Variants in ACTN3 observed in about 807,000 individuals in gnomAD.
The protein encoded by ACTN3 is alpha-actinin-3.
A neutral mutation model predicts 119.6 loss-of-function variants in ACTN3; 91 were observed. The observed-to-expected ratio is 0.76, with a 90% confidence interval of 0.64 to 0.91. ACTN3 has a LOEUF of 0.91. Ranked by LOEUF, ACTN3 falls within the 40% of genes least tolerant of loss-of-function variation. ACTN3 has a pLI of 0.00. For missense variants in ACTN3, 1,221 were observed against 1,215.1 expected, an observed-to-expected ratio of 1.00 and a Z score of -0.07; for synonymous variants, 456 against 478.8, an observed-to-expected ratio of 0.95 and a Z score of 0.62.
intron 3 of ACTN3, among the ~76,000 whole-genome samples, 192 bp from the exon 4 acceptor site, chr11:66,553,853 C>CAAAAAAAAAAAAA (rs11448724): frequency 1.2e-5 from 1 of 81,774 alleles, no homozygotes; most frequent in Non-Finnish European, 2.4e-5. Context: ...GACTCCATCT[C>CAAAAAAAAAAAAA]AAAAAAAAAA....
chr11:66,550,351 C>T (rs181043346), intron 1 of ACTN3, among the ~76,000 whole-genome samples: 20 of 152,296 alleles, frequency 1.3e-4, no homozygotes, highest in South Asian at 4.1e-4. Context: ...TACCAAGTGT[C>T]GTGTCACCCC....
chr11:66,561,710 C>CA, intron 17 of ACTN3, 73 bp downstream of exon 17: 2 of 1,505,358 alleles, frequency 1.3e-6, no homozygotes, highest in Non-Finnish European at 1.8e-6. Context: ...CACAGCTGGA[C>CA]AGAGCATGTG....
At chr11:66,562,648 A>G in intron 19 of ACTN3, 148 bp from the exon 20 acceptor site, 1 of 941,930 alleles carries the variant, frequency 1.1e-6, no homozygotes, top group Non-Finnish European at 1.6e-6. Context: ...AGGACTTCCT[A>G]CAGCCAGGGC....
intron 4 of ACTN3, 56 bp from the exon 5 acceptor site, chr11:66,554,480 G>A: frequency 2.5e-6 from 3 of 1,217,032 alleles, no homozygotes; most frequent in South Asian, 2.9e-5. Context: ...AAAGAAGTGT[G>A]AGAGGGCTGA....
chr11:66,548,300 G>A (rs538952949), intron 1 of ACTN3, among the ~76,000 whole-genome samples: 2 of 152,142 alleles, frequency 1.3e-5, no homozygotes, highest in African/African-American at 2.4e-5. Flanking sequence ...GCAATTTCCC[G>A]GTGGTGTCAT....
At position 66,556,099 on chromosome 11, in the gene ACTN3, G is replaced by C. The variant is rs778724712; in HGVS notation, c.719-46G>C. 4 of 1,548,956 alleles carry C rather than the reference G, an allele frequency of 2.6e-6. No homozygotes were observed. The Admixed American group carries it at 7.3e-5, about 28-fold the overall frequency. On this transcript the variant is annotated intron_variant, in intron 7 of 20. Transcript: ENST00000513398. ...CCAGAGAGAGTTCTCTGCCTGGGGA[G>C]GGACCCCTGGCTTTGGCCAGTAGAC...
chr11:66,550,909 G>A, intron 1 of ACTN3: 1 of 407,674 alleles, frequency 2.5e-6, no homozygotes, highest in Non-Finnish European at 4.7e-6. Flanking sequence ...CAAAACCTCA[G>A]AGGGCCCCAC....
At chr11:66,555,097 C>A (rs769873868) in intron 5 of ACTN3, 33 bp from the exon 6 acceptor site, 10 of 1,609,922 alleles carry the variant, frequency 6.2e-6, no homozygotes, top group Non-Finnish European at 7.6e-6. Flanking sequence ...CCAGCTTGAA[C>A]CCAGGCCTGA....
rs545999249 is a variant in ACTN3 at position 66,560,727 on chromosome 11, C to T, written c.1832C>T (p.Pro611Leu). 57 of 1,613,246 alleles carry T rather than the reference C, an allele frequency of 3.5e-5. No individual in the cohort carries two copies. Among genetic ancestry groups the T allele is most frequent in the African/African-American group, 6.7e-5 (5 of 75,036 alleles). ...ACCAATCCCTACATCACCCTCAGCCCGCAGGACATCAACACCAAGTGGGAT... is the reference window on the plus strand; with the variant it reads ...ACCAATCCCTACATCACCCTCAGCCTGCAGGACATCAACACCAAGTGGGAT... ...CSTNPYITLSPQDINTKWDMV... is the reference protein window; with the variant it reads ...CSTNPYITLSLQDINTKWDMV... Residue 611 changes from proline to leucine, a missense_variant, in exon 15 of 21, where the codon CCG becomes CTG. Physicochemically the swap from Pro to Leu is moderately conservative, Grantham distance 98 (BLOSUM62 -3). Around this residue, in one of 3 missense-constraint regions of ACTN3, gnomAD observed 934 missense variants for 899.9 expected, o/e 1.04. Coordinates refer to ENST00000513398, the MANE Select transcript of ACTN3 (RefSeq NM_001104.4).
chr11:66,557,062 G>A (rs1025811204), intron 8 of ACTN3, 71 bp from the exon 9 acceptor site: 26 of 1,422,446 alleles, frequency 1.8e-5, no homozygotes, highest in Non-Finnish European at 2.5e-5. Flanking sequence ...CGCTCGGCGG[G>A]GCTCTGGGTT....
chr11:66,553,906 T>C, intron 3 of ACTN3, 139 bp from the exon 4 acceptor site: 1 of 511,506 alleles, frequency 2.0e-6, no homozygotes, highest in Non-Finnish European at 3.5e-6. Flanking sequence ...GAGCACCTGC[T>C]AGGTGCTCAC....
In ACTN3 at chr11:66,562,024, C is replaced by T. The variant is rs759871739; in HGVS notation, c.2178C>T (p.His726=). ...DNKHTVYSME[H]IRVGWEQLLT... is the part of the protein sequence containing the mutation. ...GTGGCCTGTCCCCTGACCGCCAGCA[C>T]ATCCGCGTGGGCTGGGAGCAGCTGC... The change falls in exon 18 of 21, where the codon CAC becomes CAT. Residue 726 remains histidine (H), a splice_region_variant and synonymous_variant. Transcript: ENST00000513398. 2.5e-6 allele frequency: 4 copies of T among 1,607,410 alleles called. No individual in the cohort carries two copies. In the East Asian group the frequency reaches 9.0e-5, roughly 36 times the overall value.
Position 66,546,912 on chromosome 11 carries a change from G to A in ACTN3, c.-26G>A, listed in dbSNP as rs370058043. The A allele has an allele frequency of 6.5e-7, 1 of 1,530,742 alleles. No homozygotes were observed. Among genetic ancestry groups the A allele is most frequent in the East Asian group, 2.3e-5 (1 of 43,608 alleles). The allele number at this position is 1,530,742 out of a possible 1,614,324, so 94.8% of individuals were successfully genotyped here. A position where few individuals can be genotyped will look rare whatever the true frequency, so the allele number is the denominator to read the frequency against. On this transcript the variant is annotated 5_prime_UTR_variant, in exon 1 of 21. Coordinates refer to ENST00000513398, the MANE Select transcript of ACTN3 (RefSeq NM_001104.4). ...CCGGGTGTCCGAGAGCGTGCCGAGC[G>A]GAGCGAAGCCAGGAGCCCGATCGAG...
At position 66,547,001 on chromosome 11, in the gene ACTN3, G is replaced by C; in HGVS notation, c.64G>C (p.Gly22Arg). 1 of 1,522,316 alleles carries C rather than the reference G, an allele frequency of 6.6e-7. No homozygotes were observed. Among genetic ancestry groups the C allele is most frequent in the South Asian group, 1.3e-5 (1 of 75,124 alleles). The allele number at this position is 1,522,316 out of a possible 1,614,324, so 94.3% of individuals were successfully genotyped here. ...AGEGRFAGGG[G>R]GGEYMEQEED... is the part of the protein sequence containing the mutation. Reference sequence around the variant, plus strand: ...GGAGGGGCGCTTTGCGGGCGGCGGCGGGGGCGGCGAGTACATGGAACAGGA... The same window carrying C: ...GGAGGGGCGCTTTGCGGGCGGCGGCCGGGGCGGCGAGTACATGGAACAGGA... Residue 22 changes from glycine (G) to arginine (R), a missense_variant, in exon 1 of 21, where the codon GGG becomes CGG. By Grantham distance (125) the Gly-to-Arg change is moderately radical. Transcript: ENST00000513398.
chr11:66,558,737 G>A (rs1179215972), intron 11 of ACTN3: 2 of 162,296 alleles, frequency 1.2e-5, no homozygotes, highest in Non-Finnish European at 2.7e-5. Context: ...GATCTGCTCT[G>A]ATTAATTCAA....
intron 11 of ACTN3, 96 bp downstream of exon 11, chr11:66,558,270 A>G: frequency 6.6e-7 from 1 of 1,524,514 alleles, no homozygotes; most frequent in Admixed American, 1.9e-5. Flanking sequence ...TGCACAGGAC[A>G]AGGGTAGGTG....
At chr11:66,557,057 G>T (rs1183549294) in intron 8 of ACTN3, 76 bp from the exon 9 acceptor site, 5 of 1,368,750 alleles carry the variant, frequency 3.7e-6, no homozygotes, top group Non-Finnish European at 4.0e-6. Flanking sequence ...CACCGCGCTC[G>T]GCGGGGCTCT....
chr11:66,561,248 T>A lies in ACTN3; in HGVS notation c.1882T>A (p.Cys628Ser). Residue 628 changes from cysteine to serine, a missense_variant, in exon 16 of 21, where the codon TGT becomes AGT. Physicochemically the swap from Cys to Ser is moderately radical, Grantham distance 112. Coordinates refer to ENST00000513398, the MANE Select transcript of ACTN3 (RefSeq NM_001104.4). Reference protein sequence around the residue: ...WDMVRKLVPSCDQTLQEELAR... With the variant: ...WDMVRKLVPSSDQTLQEELAR... ...CCAGGTCCGAAAGCTGGTGCCCAGC[T>A]GTGACCAGACACTGCAGGAGGAGCT... The A allele has an allele frequency of 5.0e-6, 8 of 1,587,886 alleles. No individual in the cohort carries two copies. The highest frequency in any genetic ancestry group is 6.8e-6 in the Non-Finnish European group (8 of 1,168,430).
At chr11:66,546,597 G>T, upstream of ACTN3, 1 of 1,535,616 alleles carries the variant, frequency 6.5e-7, no homozygotes, top group South Asian at 1.2e-5. Context: ...AGCGGCCCGC[G>T]GCCACTATTA....
Sources: gnomAD v4.1 joint callset for allele counts (sites outside exome capture counted in the v4.1 genomes callset) on GRCh38, gnomAD v4.1.1 for gene constraint, gnomAD v4.1.1 regional missense constraint, MANE v1.5 for transcripts, NCBI Gene and HGNC (gene_info 2026-07-23, HGNC 2026-07-21) for gene names.